The following ZNF740 variants were observed in gnomAD, a reference collection of about 807,000 sequenced individuals.
ZNF740 encodes the protein zinc finger protein 740.
In ZNF740, 14 loss-of-function variants were observed where a neutral mutation model predicts 24.8. That is an observed-to-expected ratio of 0.56 (90% CI 0.37 to 0.88). ZNF740 has a LOEUF of 0.88. ZNF740 is among the 40% of genes least tolerant of loss of function. The pLI is 0.00. For missense variants in ZNF740, 201 were observed against 247.9 expected, an observed-to-expected ratio of 0.81 and a Z score of 1.27; for synonymous variants, 69 against 84.0, an observed-to-expected ratio of 0.82 and a Z score of 0.98.
At position 53,194,347 on chromosome 12, in the gene ZNF740, A is replaced by G. The variant is rs1403198001; in HGVS notation, c.*6757A>G. On this transcript the variant is annotated 3_prime_UTR_variant, in exon 7 of 7. Coordinates refer to ENST00000416904, the MANE Select transcript of ZNF740 (RefSeq NM_001004304.4). Reference sequence around the variant, plus strand: ...AGGGTCACGGTGGAAGACAGGCTCTATGGGAAGAGAGCGAGTGGATAACCA... The same window carrying G: ...AGGGTCACGGTGGAAGACAGGCTCTGTGGGAAGAGAGCGAGTGGATAACCA... 4.3e-6 allele frequency: 7 copies of G among 1,613,656 alleles called. No individual in the cohort carries two copies. The highest frequency in any genetic ancestry group is 5.1e-6 in the Non-Finnish European group (6 of 1,179,826).
chr12:53,186,120 C>A (rs1272498148), intron 5 of ZNF740, 43 bp downstream of exon 5: 2 of 1,588,228 alleles, frequency 1.3e-6, no homozygotes, highest in South Asian at 1.1e-5. Flanking sequence ...AATAGTCTAT[C>A]GCTTGTATTC....
At chr12:53,185,509 A>AGTAT in intron 4 of ZNF740, 33 bp downstream of exon 4, 1 of 1,596,658 alleles carries the variant, frequency 6.3e-7, no homozygotes. Context: ...AAACTCATAC[A>AGTAT]GTTTGGTAAT....
chr12:53,192,321 C>T lies in ZNF740; in HGVS notation c.*4731C>T, dbSNP rs1262920468. 1 of 1,613,614 alleles carries T rather than the reference C, an allele frequency of 6.2e-7. No individual in the cohort carries two copies. Among genetic ancestry groups the T allele is most frequent in the East Asian group, 2.2e-5 (1 of 44,884 alleles). ...ACTTCCAGGGTTTGTGGCATCCCTG[C>T]CCACTTACTTTCTTGGGGTCTCACT... On this transcript the variant is annotated 3_prime_UTR_variant, in exon 7 of 7. Coordinates refer to ENST00000416904, the MANE Select transcript of ZNF740 (RefSeq NM_001004304.4).
rs1941850529 is a variant in ZNF740, at chr12:53,187,702, G to T, written c.*112G>T. The T allele has an allele frequency of 1.2e-6, 1 of 835,816 alleles. No homozygotes were observed. The highest frequency in any genetic ancestry group is 2.0e-6 in the Non-Finnish European group (1 of 503,414). The allele number at this position is 835,816 out of a possible 1,614,324, so 51.8% of individuals were successfully genotyped here. A position where few individuals can be genotyped will look rare whatever the true frequency, so the allele number is the denominator to read the frequency against. ...CATGTGAACCTGTCCCACTCCTGGA[G>T]GAGTGGACCCAGGAGACCAGAAGAG... On this transcript the variant is annotated 3_prime_UTR_variant, in exon 7 of 7. Transcript: ENST00000416904.
At chr12:53,184,138 TGTGTGTGTGTGTGCGCGCGC>T (rs1941767006) in intron 2 of ZNF740, among the ~76,000 whole-genome samples, 1 of 130,038 alleles carries the variant, frequency 7.7e-6, no homozygotes, top group African/African-American at 3.5e-5. Context: ...TGTGTGTGTG[TGTGTGTGTGTGTGCGCGCGC>T]GCGCTCTGAA....
intron 4 of ZNF740, 66 bp downstream of exon 4, chr12:53,185,542 C>T: frequency 1.0e-5 from 15 of 1,449,292 alleles, no homozygotes; most frequent in South Asian, 2.4e-5. Context: ...CTCCTTCTTC[C>T]CTCTACCATG....
chr12:53,193,114 G>T lies in ZNF740; in HGVS notation c.*5524G>T. On this transcript the variant is annotated 3_prime_UTR_variant, in exon 7 of 7. Coordinates refer to ENST00000416904, the MANE Select transcript of ZNF740 (RefSeq NM_001004304.4). ...GCCTTGGGAAGGCCTCTCAGACCCC[G>T]CCCTTCTCCCCAAGGCTCCAGGTAC... 1 of 1,582,014 alleles carries T rather than the reference G, an allele frequency of 6.3e-7. No homozygotes were observed. Among genetic ancestry groups the T allele is most frequent in the South Asian group, 1.1e-5 (1 of 88,610 alleles).
chr12:53,185,617 A>G lies in ZNF740; in HGVS notation c.249+141A>G, dbSNP rs984429287. 4 of 779,352 alleles carry G rather than the reference A, an allele frequency of 5.1e-6. No homozygotes were observed. The African/African-American group carries it at 7.0e-5, about 14-fold the overall frequency. The allele number at this position is 779,352 out of a possible 1,614,324, so 48.3% of individuals were successfully genotyped here. A position where few individuals can be genotyped will look rare whatever the true frequency, so the allele number is the denominator to read the frequency against. ...CCAGTGAGTGAGTCCCCCAGATTTC[A>G]TCCAGAGACTACCTTGGTAGTTGAT... On this transcript the variant is annotated intron_variant, in intron 4 of 6. Coordinates refer to ENST00000416904, the MANE Select transcript of ZNF740 (RefSeq NM_001004304.4).
In ZNF740 at chr12:53,193,693, A is replaced by C; in HGVS notation, c.*6103A>C. 6.3e-7 allele frequency: 1 copy of C among 1,591,568 alleles called. No homozygotes were observed. The highest frequency in any genetic ancestry group is 8.6e-7 in the Non-Finnish European group (1 of 1,167,354). On this transcript the variant is annotated 3_prime_UTR_variant, in exon 7 of 7. Transcript: ENST00000416904. Reference sequence around the variant, plus strand: ...GTTGGGAGCCAGGTGGTTGAAGGGAAGAGGAGGCCCTCACCTGCATACACC... The same window carrying C: ...GTTGGGAGCCAGGTGGTTGAAGGGACGAGGAGGCCCTCACCTGCATACACC...
Position 53,193,559 on chromosome 12 carries a change from AC to A in ZNF740, c.*5970del. Reference sequence around the variant, plus strand: ...CCAGTCAGGGGGAGGGCCTGGACATACATGGGAAGCTTCAAGGGATGAAACT... The same window carrying A: ...CCAGTCAGGGGGAGGGCCTGGACATAATGGGAAGCTTCAAGGGATGAAACT... On this transcript the variant is annotated 3_prime_UTR_variant, in exon 7 of 7. Coordinates refer to ENST00000416904, the MANE Select transcript of ZNF740 (RefSeq NM_001004304.4). 1.3e-6 allele frequency: 1 copy of A among 789,954 alleles called. No homozygotes were observed. Among genetic ancestry groups the A allele is most frequent in the East Asian group, 2.7e-5 (1 of 36,926 alleles). 48.9% of individuals were successfully genotyped at this position (789,954 alleles called of 1,614,324 possible).
chr12:53,184,848 T>C lies in ZNF740; in HGVS notation c.10-43T>C, dbSNP rs538960421. 3 of 1,588,308 alleles carry C rather than the reference T, an allele frequency of 1.9e-6. No individual in the cohort carries two copies. In the East Asian group the frequency reaches 6.8e-5, roughly 36 times the overall value. On this transcript the variant is annotated intron_variant, in intron 2 of 6. Transcript: ENST00000416904. The stretch of plus-strand genomic sequence containing the variant: ...AGAGGATGGCAGTCTGTTTTTGCCC[T>C]GCCCTGCCAGGTGACCTGACACCTC...
Position 53,185,451 on chromosome 12 carries a change from C to G in ZNF740, c.224C>G (p.Ser75Cys). 6.2e-7 allele frequency: 1 copy of G among 1,613,906 alleles called. No homozygotes were observed. Among genetic ancestry groups the G allele is most frequent in the Non-Finnish European group, 8.5e-7 (1 of 1,179,868 alleles). ...RKDDDSLSEASHSKKTVKKVV... is the reference protein window; with the variant it reads ...RKDDDSLSEACHSKKTVKKVV... The stretch of plus-strand genomic sequence containing the variant: ...GATGATGACAGCTTGTCTGAGGCCT[C>G]TCATTCAAAAAAGACTGTTAAAAAG... The change falls in exon 4 of 7, where the codon TCT becomes TGT. Residue 75 changes from serine to cysteine, a missense_variant. By Grantham distance (112) the Ser-to-Cys change is moderately radical (BLOSUM62 -1). Around this residue, in one of 3 missense-constraint regions of ZNF740, gnomAD observed 117 missense variants for 122.3 expected, o/e 0.96. Coordinates refer to ENST00000416904, the MANE Select transcript of ZNF740 (RefSeq NM_001004304.4).
chr12:53,192,233 GC>G lies in ZNF740; in HGVS notation c.*4648del. 7.4e-7 allele frequency: 1 copy of G among 1,357,740 alleles called. No individual in the cohort carries two copies. The highest frequency in any genetic ancestry group is 1.0e-6 in the Non-Finnish European group (1 of 967,802). The allele number at this position is 1,357,740 out of a possible 1,614,324, so 84.1% of individuals were successfully genotyped here. A position where few individuals can be genotyped will look rare whatever the true frequency, so the allele number is the denominator to read the frequency against. On this transcript the variant is annotated 3_prime_UTR_variant, in exon 7 of 7. Transcript: ENST00000416904. The stretch of plus-strand genomic sequence containing the variant: ...GTCCTGGATTCACAGTTCTGCTTCA[GC>G]CCCCAGCCTGTTTCCCATTATCTTC...
Position 53,193,430 on chromosome 12 carries a change from AG to A in ZNF740, c.*5842del. The A allele has an allele frequency of 8.3e-7, 1 of 1,203,568 alleles. No individual in the cohort carries two copies. The highest frequency in any genetic ancestry group is 2.8e-5 in the Admixed American group (1 of 35,326). 74.6% of individuals were successfully genotyped at this position (1,203,568 alleles called of 1,614,324 possible). ...TGATCACCCCTGACTTGTCTCTCCC[AG>A]GAACCTCTAAACCCAAGTTCTCAAA... On this transcript the variant is annotated 3_prime_UTR_variant, in exon 7 of 7. Transcript: ENST00000416904.
At chr12:53,181,564 T>A (rs574925463) in intron 1 of ZNF740, 113 bp from the exon 2 acceptor site, 1 of 943,322 alleles carries the variant, frequency 1.1e-6, no homozygotes, top group African/African-American at 1.8e-5. Context: ...TTGACTCATG[T>A]CCTCGTTCTG....
chr12:53,185,712 G>A (rs1263225545), intron 4 of ZNF740, among the ~76,000 whole-genome samples: 1 of 152,234 alleles, frequency 6.6e-6, no homozygotes, highest in Non-Finnish European at 1.5e-5. Context: ...AGGCATGGGA[G>A]CAGGCAGGCT....
At chr12:53,181,459 C>T in intron 1 of ZNF740, 2 of 985,446 alleles carry the variant, frequency 2.0e-6, no homozygotes, top group Non-Finnish European at 2.4e-6. Flanking sequence ...GGCAGAGTTC[C>T]TCCATAGGAG....
Position 53,194,317 on chromosome 12 carries a change from G to T in ZNF740, c.*6727G>T, listed in dbSNP as rs1219284643. On this transcript the variant is annotated 3_prime_UTR_variant, in exon 7 of 7. Transcript: ENST00000416904. ...TGGACCCCAGGAGGGAGTGAAGAGT[G>T]TTCAAGGGTCACGGTGGAAGACAGG... 6.2e-7 allele frequency: 1 copy of T among 1,614,052 alleles called. No individual in the cohort carries two copies. The highest frequency in any genetic ancestry group is 8.5e-7 in the Non-Finnish European group (1 of 1,179,982).
intron 2 of ZNF740, 72 bp from the exon 3 acceptor site, chr12:53,184,819 C>T (rs1941791303): frequency 1.3e-6 from 2 of 1,532,476 alleles, no homozygotes; most frequent in Non-Finnish European, 1.8e-6. Context: ...AAAGGTAGTT[C>T]TATAGAGGAT....
Sources: allele counts gnomAD v4.1 joint callset (sites outside exome capture counted in the v4.1 genomes callset), GRCh38; gene constraint gnomAD v4.1.1; regional missense constraint gnomAD v4.1.1; transcripts MANE v1.5; gene names NCBI Gene and HGNC (gene_info 2026-07-23, HGNC 2026-07-21).